The following SCAPER variants were observed in gnomAD, a reference collection of about 807,000 sequenced individuals.
The protein encoded by SCAPER is S phase cyclin A-associated protein in the endoplasmic reticulum.
SCAPER carries 98 observed loss-of-function variants against 182.2 expected under a neutral mutation model. The ratio of observed to expected loss-of-function variants is 0.54; its 90% confidence interval spans 0.46 to 0.64. The LOEUF (loss-of-function observed/expected upper bound fraction) is 0.64, where lower values mean the gene tolerates loss of function less well. Ranked by LOEUF, SCAPER falls within the 30% of genes least tolerant of loss-of-function variation. SCAPER has a pLI of 0.00. For missense variants in SCAPER, 1,432 were observed against 1,690.0 expected (o/e 0.85, Z 2.68); for synonymous variants, 605 against 564.6 (o/e 1.07, Z -1.01).
chr15:76,738,864 G>T (rs573077811), intron 15 of SCAPER, among the ~76,000 whole-genome samples: 3 of 152,226 alleles, frequency 2.0e-5, no homozygotes, highest in Admixed American at 6.5e-5. Flanking sequence ...GACATGAAGT[G>T]AGCACGTGTT....
At chr15:76,625,996 T>TA (rs1014304497) in intron 21 of SCAPER, among the ~76,000 whole-genome samples, 55 of 152,246 alleles carry the variant, frequency 3.6e-4, no homozygotes, top group Middle Eastern at 3.4e-3. Flanking sequence ...TGATGAGCTT[T>TA]AAAAAAATCA....
In SCAPER at chr15:76,629,540, C is replaced by T. The variant is rs145543924; in HGVS notation, c.2646-7711G>A. On this transcript the variant is annotated intron_variant, in intron 21 of 31. Coordinates refer to ENST00000563290, the MANE Select transcript of SCAPER (RefSeq NM_020843.4). ...AATCATGTGGTTTTTGTCTTTAGAT[C>T]TGTTTATGTGATGAATTATGTTTAC... 6.7e-3 allele frequency among the ~76,000 whole-genome samples: 1,025 copies of T among 152,204 alleles called. 16 individuals are homozygous for T. The highest frequency in any genetic ancestry group is 0.023 in the African/African-American group (946 of 41,522).
intron 26 of SCAPER, among the ~76,000 whole-genome samples, chr15:76,423,586 ATTTTTTGAAGGG>A (rs1205467772): frequency 6.6e-6 from 1 of 152,082 alleles, no homozygotes; most frequent in African/African-American, 2.4e-5. Context: ...GGATTCATTG[ATTTTTTGAAGGG>A]TTTTTTGTTT....
chr15:76,495,991 GAGACACACACACACACACACACAC>G (rs2040480042), intron 24 of SCAPER, among the ~76,000 whole-genome samples: 4 of 100,974 alleles, frequency 4.0e-5, no homozygotes, highest in African/African-American at 8.4e-5. Flanking sequence ...GCAAAAGAGA[GAGACACACACACACACACACACAC>G]ACACACACAC....
chr15:76,487,778 G>T (rs1224824767), intron 24 of SCAPER, among the ~76,000 whole-genome samples: 1 of 152,126 alleles, frequency 6.6e-6, no homozygotes, highest in Non-Finnish European at 1.5e-5. Context: ...AGATCAGGTT[G>T]TTCTGCCTTA....
At chr15:76,605,360 C>T (rs1360243128) in intron 22 of SCAPER, among the ~76,000 whole-genome samples, 1 of 152,114 alleles carries the variant, frequency 6.6e-6, no homozygotes, top group Non-Finnish European at 1.5e-5. Context: ...GCCTTGCATC[C>T]CAGGGATGAA....
chr15:76,735,312 G>A (rs1458847576), intron 15 of SCAPER, among the ~76,000 whole-genome samples: 1 of 152,140 alleles, frequency 6.6e-6, no homozygotes, highest in Non-Finnish European at 1.5e-5. Context: ...GTTAGAGGCT[G>A]CAGTGAGCCA....
intron 21 of SCAPER, among the ~76,000 whole-genome samples, chr15:76,639,687 T>C (rs1401331566): frequency 6.0e-5 from 9 of 150,158 alleles, no homozygotes; most frequent in Non-Finnish European, 7.4e-5. Flanking sequence ...CCGTTGCTAA[T>C]GTCCCCCCAC....
chr15:76,791,751 T>C (rs913103385), intron 8 of SCAPER, among the ~76,000 whole-genome samples: 3 of 152,014 alleles, frequency 2.0e-5, no homozygotes, highest in Non-Finnish European at 4.4e-5. Context: ...TTGTAGCAAC[T>C]GTATAGTGCT....
intron 29 of SCAPER, among the ~76,000 whole-genome samples, chr15:76,370,728 T>G (rs2042109411): frequency 6.6e-6 from 1 of 152,172 alleles, no homozygotes. Context: ...GGGAAAGAAT[T>G]TATCTATGAT....
intron 27 of SCAPER, among the ~76,000 whole-genome samples, chr15:76,397,419 T>C (rs138572821): frequency 6.6e-6 from 1 of 152,074 alleles, no homozygotes; most frequent in Non-Finnish European, 1.5e-5. Context: ...CTTTAAATGT[T>C]TGGTAGAATT....
At chr15:76,611,845 CAT>C (rs1328513620) in intron 22 of SCAPER, among the ~76,000 whole-genome samples, 2 of 152,148 alleles carry the variant, frequency 1.3e-5, no homozygotes, top group Admixed American at 6.5e-5. Flanking sequence ...ACAAAAACCA[CAT>C]GATTATCTCA....
At chr15:76,795,102 T>C (rs997421659) in intron 8 of SCAPER, 178 bp downstream of exon 8, 2 of 507,556 alleles carry the variant, frequency 3.9e-6, no homozygotes, top group African/African-American at 2.0e-5. Context: ...CCATAAGCTA[T>C]CTACAGTGCT....
intron 1 of SCAPER, among the ~76,000 whole-genome samples, chr15:76,892,982 C>T (rs9806164): frequency 0.85 from 128,784 of 152,196 alleles, 54,722 homozygotes; most frequent in Middle Eastern, 0.91. Flanking sequence ...CATGGAATAC[C>T]ATGCAGCCAT....
Position 76,471,265 on chromosome 15 carries a change from G to T in SCAPER, c.3025C>A (p.Leu1009Met). Residue 1009 changes from leucine to methionine, a missense_variant, in exon 25 of 32, where the codon CTG becomes ATG. Leu to Met is a conservative substitution (Grantham distance 15). Around this residue, in one of 5 missense-constraint regions of SCAPER, gnomAD observed 718 missense variants for 799.7 expected, o/e 0.90. Transcript: ENST00000563290. ...NNCSENCSDV[L>M]FSNKITFLMD... ...AAGAAGGTAATCTTGTTACTAAACA[G>T]AACATCACTGCAGTTTTCTGAACAG... 16 of 1,612,420 alleles carry T rather than the reference G, an allele frequency of 9.9e-6. No homozygotes were observed. The highest frequency in any genetic ancestry group is 1.4e-5 in the Non-Finnish European group (16 of 1,179,104).
intron 22 of SCAPER, among the ~76,000 whole-genome samples, chr15:76,618,614 TATTA>T (rs1301963680): frequency 2.0e-5 from 3 of 152,200 alleles, no homozygotes; most frequent in African/African-American, 7.2e-5. Context: ...CATTATTATT[TATTA>T]TTTTCTCTTC....
chr15:76,676,884 A>C (rs1177535846), intron 20 of SCAPER, among the ~76,000 whole-genome samples: 1 of 150,828 alleles, frequency 6.6e-6, no homozygotes, highest in Admixed American at 6.6e-5. Context: ...AATATATATT[A>C]ATATGTACTT....
At chr15:76,894,404 C>G (rs2074319412) in intron 1 of SCAPER, among the ~76,000 whole-genome samples, 1 of 152,056 alleles carries the variant, frequency 6.6e-6, no homozygotes, top group East Asian at 1.9e-4. Flanking sequence ...TCTCTACGTT[C>G]CAGCCTGGGC....
chr15:76,786,449 A>G (rs1304126956), intron 8 of SCAPER, among the ~76,000 whole-genome samples: 1 of 152,188 alleles, frequency 6.6e-6, no homozygotes. Context: ...ACATCCACTC[A>G]TAATAAAAAT....
Sources: allele counts gnomAD v4.1 joint callset (sites outside exome capture counted in the v4.1 genomes callset), GRCh38; gene constraint gnomAD v4.1.1; regional missense constraint gnomAD v4.1.1; transcripts MANE v1.5; gene names NCBI Gene and HGNC (gene_info 2026-07-23, HGNC 2026-07-21).